The following NCAM1 variants were observed in gnomAD, a reference collection of about 807,000 sequenced individuals.
NCAM1 encodes the protein antigen recognized by monoclonal antibody 5.1H11.
Under a neutral mutation model 109.8 loss-of-function variants are expected in NCAM1, and 14 were observed. The ratio of observed to expected loss-of-function variants is 0.13; its 90% CI spans 0.08 to 0.20. The LOEUF (loss-of-function observed/expected upper bound fraction) is 0.20, where lower values mean the gene tolerates loss of function less well. Among genes scored for constraint, NCAM1 ranks in the 10% least tolerant of loss-of-function variants. The pLI, the probability that NCAM1 is intolerant of heterozygous loss-of-function variation, is 1.00. For missense variants in NCAM1, 774 were observed against 1,109.9 expected (o/e 0.70, Z 4.30); for synonymous variants, 418 against 442.9 (o/e 0.94, Z 0.70).
In NCAM1 at chr11:113,102,849, A is replaced by C. The variant is rs142969175; in HGVS notation, c.53-99530A>C. 9.1e-4 allele frequency among the ~76,000 whole-genome samples: 139 copies of C among 152,322 alleles called. 1 individual carries two copies. In the East Asian group the frequency reaches 0.019, roughly 21 times the overall value. On this transcript the variant is annotated intron_variant, in intron 1 of 19. Coordinates refer to ENST00000316851, the MANE Select transcript of NCAM1 (RefSeq NM_181351.5). ...GACAAGGTGAGCTTGTAAATCTTTT[A>C]ATTCTCATTCCAGACTTTGGAAACA...
intron 1 of NCAM1, among the ~76,000 whole-genome samples, chr11:113,158,973 T>C (rs889696952): frequency 3.9e-5 from 6 of 152,258 alleles, no homozygotes; most frequent in Admixed American, 3.9e-4. Context: ...CACCACACTA[T>C]TTCTAACAAT....
At chr11:113,102,363 C>T (rs1249507234) in intron 1 of NCAM1, among the ~76,000 whole-genome samples, 1 of 152,238 alleles carries the variant, frequency 6.6e-6, no homozygotes, top group Non-Finnish European at 1.5e-5. Context: ...ATTACAGCTA[C>T]AAAGGCAGTT....
intron 15 of NCAM1, among the ~76,000 whole-genome samples, chr11:113,252,364 C>T (rs910885567): frequency 6.7e-6 from 1 of 149,294 alleles, no homozygotes; most frequent in Non-Finnish European, 1.5e-5. Context: ...TATGATTGTG[C>T]CACTGCACTT....
chr11:113,112,835 A>G (rs540428180), intron 1 of NCAM1, among the ~76,000 whole-genome samples: 3 of 152,240 alleles, frequency 2.0e-5, no homozygotes, highest in African/African-American at 7.2e-5. Context: ...AGCCTTTTAA[A>G]GTCTCCATGA....
chr11:112,964,140 GTTTTTTTT>G (rs1254307069), intron 1 of NCAM1, among the ~76,000 whole-genome samples: 2 of 72,908 alleles, frequency 2.7e-5, no homozygotes, highest in African/African-American at 1.1e-4. Flanking sequence ...TTTTTTTTTT[GTTTTTTTT>G]TTTTTTGTTT....
intron 1 of NCAM1, among the ~76,000 whole-genome samples, chr11:112,997,679 A>G (rs868945871): frequency 2.0e-5 from 3 of 152,148 alleles, no homozygotes; most frequent in South Asian, 2.1e-4. Context: ...AGGTAAATGA[A>G]TGCATCAGAG....
chr11:113,156,628 T>C (rs1555103469), intron 1 of NCAM1, among the ~76,000 whole-genome samples: 1 of 151,976 alleles, frequency 6.6e-6, no homozygotes. Context: ...GAGAAAGCAA[T>C]AATCTTGAGG....
At chr11:113,059,587 C>T (rs553430238) in intron 1 of NCAM1, among the ~76,000 whole-genome samples, 12 of 152,130 alleles carry the variant, frequency 7.9e-5, no homozygotes, top group Admixed American at 2.0e-4. Context: ...GCCTGGGGGT[C>T]GCAGGTGGAC....
chr11:113,094,966 T>G (rs1939526335), intron 1 of NCAM1, among the ~76,000 whole-genome samples: 1 of 152,100 alleles, frequency 6.6e-6, no homozygotes, highest in South Asian at 2.1e-4. Flanking sequence ...ATAGGGAAAA[T>G]AGTATCGGGT....
At chr11:113,072,080 G>A (rs1475002792) in intron 1 of NCAM1, among the ~76,000 whole-genome samples, 3 of 152,154 alleles carry the variant, frequency 2.0e-5, no homozygotes, top group Non-Finnish European at 4.4e-5. Context: ...GAAAGATGGA[G>A]GTTGCAGTGA....
At position 113,255,597 on chromosome 11, in the gene NCAM1, G is replaced by GAAAA. The variant is rs34738476; in HGVS notation, c.1829-263_1829-260dup. ...AAACATAAGTACCAGTGAGACAGGG[G>GAAAA]AAAAAAAAAAAAAAAAAAAAGCCTA... On this transcript the variant is annotated intron_variant, in intron 15 of 19. Coordinates refer to ENST00000316851, the MANE Select transcript of NCAM1 (RefSeq NM_181351.5). Among the ~76,000 whole-genome samples, 15 of 92,912 alleles carry GAAAA rather than the reference G, an allele frequency of 1.6e-4. 1 individual carries two copies. Among genetic ancestry groups the GAAAA allele is most frequent in the African/African-American group, 3.0e-4 (7 of 23,106 alleles). 61.0% of individuals were successfully genotyped at this position (92,912 alleles called of 152,430 possible). A position where few individuals can be genotyped will look rare whatever the true frequency, so the allele number is the denominator to read the frequency against.
chr11:113,181,781 G>A (rs1943342367), intron 1 of NCAM1, among the ~76,000 whole-genome samples: 1 of 152,146 alleles, frequency 6.6e-6, no homozygotes, highest in Admixed American at 6.5e-5. Context: ...GAAGCAACCA[G>A]GGGTCCTGGT....
intron 1 of NCAM1, among the ~76,000 whole-genome samples, chr11:113,053,368 T>G (rs1269449378): frequency 2.0e-5 from 3 of 152,200 alleles, no homozygotes; most frequent in Non-Finnish European, 4.4e-5. Flanking sequence ...GCAATGAACA[T>G]ACACGTGTAT....
intron 1 of NCAM1, among the ~76,000 whole-genome samples, chr11:112,988,690 G>A (rs1170653566): frequency 7.3e-5 from 11 of 151,008 alleles, no homozygotes; most frequent in African/African-American, 2.2e-4. Flanking sequence ...TCTTGTATGC[G>A]ATGAGTTTCT....
intron 1 of NCAM1, among the ~76,000 whole-genome samples, chr11:113,196,884 T>A (rs1366669251): frequency 1.8e-4 from 27 of 152,214 alleles, no homozygotes; most frequent in Admixed American, 1.8e-3. Context: ...TCTGTTATTA[T>A]AATGCTGTAA....
chr11:113,094,557 C>T (rs1422637961), intron 1 of NCAM1, among the ~76,000 whole-genome samples: 1 of 152,204 alleles, frequency 6.6e-6, no homozygotes, highest in African/African-American at 2.4e-5. Flanking sequence ...GCATTTCTCA[C>T]TCCTCCTCTG....
At chr11:113,237,765 T>G (rs1802928331) in intron 14 of NCAM1, among the ~76,000 whole-genome samples, 1 of 152,096 alleles carries the variant, frequency 6.6e-6, no homozygotes, top group Non-Finnish European at 1.5e-5. Flanking sequence ...AACTGGAGTT[T>G]GAGTACTGAA....
At chr11:113,264,708 C>T in intron 17 of NCAM1, 1 of 985,474 alleles carries the variant, frequency 1.0e-6, no homozygotes. Context: ...CTTTGGAGAT[C>T]TCGTCCTAAG....
chr11:113,255,584 C>T (rs534020614), intron 15 of NCAM1, among the ~76,000 whole-genome samples: 2 of 114,284 alleles, frequency 1.8e-5, no homozygotes, highest in Admixed American at 2.2e-4. Flanking sequence ...ACATAAGTAC[C>T]AGTGAGACAG....
Sources: gnomAD v4.1 joint callset for allele counts (sites outside exome capture counted in the v4.1 genomes callset) on GRCh38, gnomAD v4.1.1 for gene constraint, MANE v1.5 for transcripts, NCBI Gene and HGNC (gene_info 2026-07-23, HGNC 2026-07-21) for gene names.